Variants in IMMP2L observed in about 807,000 individuals in gnomAD.
IMMP2L encodes the protein inner mitochondrial membrane peptidase subunit 2, also known as mitochondrial inner membrane protease subunit 2.
A neutral mutation model predicts 19.3 loss-of-function variants in IMMP2L; 18 were observed. The ratio of observed to expected loss-of-function variants is 0.93; its 90% confidence interval spans 0.64 to 1.38. The LOEUF (loss-of-function observed/expected upper bound fraction) is 1.38, where lower values mean the gene tolerates loss of function less well. Among genes scored for constraint, IMMP2L ranks in the 40% most tolerant of loss-of-function variants. The pLI is 0.00. For synonymous variants in IMMP2L, 76 were observed against 73.0 expected (o/e 1.04, Z -0.21); for missense variants, 233 against 218.2 (o/e 1.07, Z -0.43).
intron 3 of IMMP2L, among the ~76,000 whole-genome samples, chr7:111,221,059 A>G (rs1242081057): frequency 6.6e-6 from 1 of 152,054 alleles, no homozygotes; most frequent in Non-Finnish European, 1.5e-5. Flanking sequence ...GTTTAACCAG[A>G]TATCTGAGCA....
At chr7:111,355,600 TA>T (rs773237425) in intron 3 of IMMP2L, among the ~76,000 whole-genome samples, 1 of 151,484 alleles carries the variant, frequency 6.6e-6, no homozygotes, top group Admixed American at 6.6e-5. Context: ...AGAAAAACAA[TA>T]AAAAAACAGG....
chr7:110,814,700 GAT>G lies in IMMP2L; in HGVS notation c.408+71891_408+71892del, dbSNP rs143894798. On this transcript the variant is annotated intron_variant, in intron 5 of 5. Coordinates refer to ENST00000405709, the MANE Select transcript of IMMP2L (RefSeq NM_032549.4). ...CAACAAAAACAATTGGTCAAGTACA[GAT>G]ATATATATATATATATGTATATATA... is the stretch of plus-strand genomic sequence containing the variant. Among the ~76,000 whole-genome samples the G allele has an allele frequency of 6.7e-3, 969 of 143,884 alleles. 20 individuals carry two copies. The highest frequency in any genetic ancestry group is 0.033 in the Admixed American group (471 of 14,264). The allele number at this position is 143,884 out of a possible 152,430, so 94.4% of individuals were successfully genotyped here.
chr7:111,299,006 A>C (rs1285464607), intron 3 of IMMP2L, among the ~76,000 whole-genome samples: 5 of 152,304 alleles, frequency 3.3e-5, no homozygotes, highest in African/African-American at 1.2e-4. Flanking sequence ...GAGAAAGTAC[A>C]GTCAAAAGGC....
chr7:110,801,194 T>A (rs986456756), intron 5 of IMMP2L, among the ~76,000 whole-genome samples: 29 of 152,210 alleles, frequency 1.9e-4, no homozygotes, highest in Admixed American at 2.6e-4. Flanking sequence ...AAGCCAAAAC[T>A]ACTCATATGC....
At chr7:110,842,104 T>G (rs1449667605) in intron 5 of IMMP2L, among the ~76,000 whole-genome samples, 1 of 152,180 alleles carries the variant, frequency 6.6e-6, no homozygotes. Context: ...GATTACAATT[T>G]AGAACATATG....
At chr7:110,961,642 C>A (rs1051734232) in intron 4 of IMMP2L, among the ~76,000 whole-genome samples, 10 of 151,550 alleles carry the variant, frequency 6.6e-5, no homozygotes, top group Non-Finnish European at 1.2e-4. Context: ...CTCATAATAT[C>A]CCCACACTGG....
chr7:111,224,174 C>T (rs1812833307), intron 3 of IMMP2L, among the ~76,000 whole-genome samples: 1 of 151,834 alleles, frequency 6.6e-6, no homozygotes, highest in Non-Finnish European at 1.5e-5. Context: ...GGTGTGATGG[C>T]CAAAAGAGAT....
rs259010 is a variant in IMMP2L, at chr7:110,926,610, T to C, written c.305+36890A>G. Among the ~76,000 whole-genome samples the C allele has an allele frequency of 3.2e-3, 485 of 152,302 alleles. 2 individuals carry two copies. The highest frequency in any genetic ancestry group is 0.011 in the African/African-American group (458 of 41,586). On this transcript the variant is annotated intron_variant, in intron 4 of 5. Coordinates refer to ENST00000405709, the MANE Select transcript of IMMP2L (RefSeq NM_032549.4). The stretch of plus-strand genomic sequence containing the variant: ...AAGGATGTATATGTATTCCGTTAAT[T>C]TTTCTCATCTTTAAGTTTTTGCTTA...
In IMMP2L at chr7:111,533,371, T is replaced by G. The variant is rs145852450; in HGVS notation, c.-2-11922A>C. Among the ~76,000 whole-genome samples, 594 of 152,208 alleles carry G rather than the reference T, an allele frequency of 3.9e-3. 3 individuals carry two copies. The highest frequency in any genetic ancestry group is 0.013 in the African/African-American group (533 of 41,542). On this transcript the variant is annotated intron_variant, in intron 1 of 5. Transcript: ENST00000405709. ...GAAATTTCATCAACTGTGGCTAGAGTTGAAATCTTAACTTCAACCTTAAGA... is the reference window on the plus strand; with the variant it reads ...GAAATTTCATCAACTGTGGCTAGAGGTGAAATCTTAACTTCAACCTTAAGA...
intron 5 of IMMP2L, among the ~76,000 whole-genome samples, chr7:110,748,890 C>T (rs145337886): frequency 1.0e-3 from 152 of 152,028 alleles, no homozygotes; most frequent in Middle Eastern, 3.4e-3. Context: ...AATGGCAAAA[C>T]GGACAAATGG....
At chr7:110,956,105 C>T (rs1022739462) in intron 4 of IMMP2L, among the ~76,000 whole-genome samples, 1 of 151,972 alleles carries the variant, frequency 6.6e-6, no homozygotes, top group Non-Finnish European at 1.5e-5. Flanking sequence ...TTAAAATCAA[C>T]AGGCTTTGAA....
At chr7:111,481,823 T>C (rs897733953) in intron 3 of IMMP2L, among the ~76,000 whole-genome samples, 4 of 152,198 alleles carry the variant, frequency 2.6e-5, no homozygotes, top group African/African-American at 9.6e-5. Flanking sequence ...GGAAAAGATT[T>C]AGACGTAGTG....
chr7:111,177,031 A>AT (rs1807144246), intron 3 of IMMP2L, among the ~76,000 whole-genome samples: 1 of 152,094 alleles, frequency 6.6e-6, no homozygotes, highest in African/African-American at 2.4e-5. Flanking sequence ...GTAAATGTTG[A>AT]TGAAAAAAAA....
chr7:110,965,054 C>T (rs1052988692), intron 3 of IMMP2L, among the ~76,000 whole-genome samples: 2 of 151,910 alleles, frequency 1.3e-5, no homozygotes, highest in African/African-American at 4.8e-5. Context: ...AGATAATAAA[C>T]GTTTGTTGTT....
At chr7:111,048,881 G>A (rs1350685237) in intron 3 of IMMP2L, among the ~76,000 whole-genome samples, 6 of 152,020 alleles carry the variant, frequency 3.9e-5, no homozygotes, top group African/African-American at 9.7e-5. Context: ...CAAGCTGGTC[G>A]CTGTCCTCAG....
chr7:111,123,622 C>T lies in IMMP2L; in HGVS notation c.240-160057G>A, dbSNP rs1172514862. ...ACGAAGGGGTGATTTTAGCAATATG[C>T]TACACTTAAAAGAGTTGGGGATAAA... On this transcript the variant is annotated intron_variant, in intron 3 of 5. Coordinates refer to ENST00000405709, the MANE Select transcript of IMMP2L (RefSeq NM_032549.4). This position sits in a 1 kb window ranked among gnomAD's most constrained non-coding sequence, Gnocchi z 6.4. 1 of 1,613,594 alleles carries T rather than the reference C, an allele frequency of 6.2e-7. No individual in the cohort carries two copies. Among genetic ancestry groups the T allele is most frequent in the Non-Finnish European group, 8.5e-7 (1 of 1,179,710 alleles).
chr7:110,780,205 A>T (rs1357750722), intron 5 of IMMP2L, among the ~76,000 whole-genome samples: 1 of 151,404 alleles, frequency 6.6e-6, no homozygotes, highest in African/African-American at 2.4e-5. Context: ...TTCAAAAACA[A>T]GGTTGATCCA....
chr7:111,502,497 C>A (rs576946754), intron 2 of IMMP2L, among the ~76,000 whole-genome samples: 4 of 152,236 alleles, frequency 2.6e-5, no homozygotes, highest in Admixed American at 2.6e-4. Context: ...AACTCTCCAC[C>A]CCAAATCAAC....
intron 5 of IMMP2L, among the ~76,000 whole-genome samples, chr7:110,693,403 A>G (rs1296915617): frequency 6.6e-6 from 1 of 152,232 alleles, no homozygotes; most frequent in African/African-American, 2.4e-5. Flanking sequence ...CACATTTAAA[A>G]TAGTGCCATC....
Sources: gnomAD v4.1 joint callset for allele counts (sites outside exome capture counted in the v4.1 genomes callset) on GRCh38, gnomAD v4.1.1 for gene constraint, Gnocchi (gnomAD v3.1) non-coding constraint, MANE v1.5 for transcripts, NCBI Gene and HGNC (gene_info 2026-07-23, HGNC 2026-07-21) for gene names.